The following FBXL17 variants were observed in gnomAD, a reference collection of about 807,000 sequenced individuals.
FBXL17 encodes F-box/LRR-repeat protein 17.
In FBXL17, 22 loss-of-function variants were observed where a neutral mutation model predicts 66.2. That is an observed-to-expected ratio of 0.33 (90% CI 0.24 to 0.47). The LOEUF is 0.47. Ranked by LOEUF, FBXL17 falls within the 20% of genes least tolerant of loss-of-function variation. FBXL17 has a pLI of 1.00. For missense variants in FBXL17, 878 were observed against 948.2 expected (o/e 0.93, Z 0.97); for synonymous variants, 474 against 400.5 (o/e 1.18, Z -2.19).
chr5:107,869,355 A>G (rs1481217562), intron 8 of FBXL17, among the ~76,000 whole-genome samples: 1 of 152,220 alleles, frequency 6.6e-6, no homozygotes, highest in African/African-American at 2.4e-5. Context: ...TGAACAATGC[A>G]TATTCAAACG....
chr5:107,901,271 C>G (rs1749561380), intron 7 of FBXL17, among the ~76,000 whole-genome samples: 1 of 152,170 alleles, frequency 6.6e-6, no homozygotes, highest in South Asian at 2.1e-4. Context: ...GAAATTGACA[C>G]TTTTGTGGGT....
chr5:108,019,317 T>A (rs1754498857), intron 7 of FBXL17, among the ~76,000 whole-genome samples: 1 of 152,202 alleles, frequency 6.6e-6, no homozygotes, highest in Non-Finnish European at 1.5e-5. Flanking sequence ...ACCTTCTCAA[T>A]TATCTTCTGG....
chr5:107,917,190 T>A (rs1054796522), intron 7 of FBXL17, among the ~76,000 whole-genome samples: 1 of 152,222 alleles, frequency 6.6e-6, no homozygotes, highest in African/African-American at 2.4e-5. Flanking sequence ...GTTAACTTGC[T>A]AGAAGAGAGC....
At chr5:107,913,524 C>T (rs928110350) in intron 7 of FBXL17, among the ~76,000 whole-genome samples, 2 of 151,952 alleles carry the variant, frequency 1.3e-5, no homozygotes, top group Non-Finnish European at 2.9e-5. Context: ...TTTTATGTTC[C>T]CTTGATCCTC....
At chr5:107,919,216 C>T (rs987661834) in intron 7 of FBXL17, among the ~76,000 whole-genome samples, 2 of 152,310 alleles carry the variant, frequency 1.3e-5, no homozygotes, top group Admixed American at 6.5e-5. Context: ...GATGACAACA[C>T]TGGCATCATC....
At chr5:107,988,416 A>C (rs1484668022) in intron 7 of FBXL17, among the ~76,000 whole-genome samples, 1 of 152,040 alleles carries the variant, frequency 6.6e-6, no homozygotes, top group Non-Finnish European at 1.5e-5. Flanking sequence ...TAACACTTTC[A>C]TAAGCAAAAT....
chr5:108,285,546 T>A (rs1757865019), intron 4 of FBXL17, among the ~76,000 whole-genome samples: 1 of 151,858 alleles, frequency 6.6e-6, no homozygotes, highest in African/African-American at 2.4e-5. Flanking sequence ...GTAAATGCCA[T>A]CAGAGTTCAT....
At position 108,171,280 on chromosome 5, in the gene FBXL17, T is replaced by C. The variant is rs570501776; in HGVS notation, c.1745+14837A>G. Among the ~76,000 whole-genome samples, 16 of 152,332 alleles carry C rather than the reference T, an allele frequency of 1.1e-4. No homozygotes were observed. The South Asian group carries it at 2.5e-3, about 24-fold the overall frequency. ...GGACTCCAAGGTAAGTTTAACTGCT[T>C]GTTGCAACCAACTATATTTTTAAAT... On this transcript the variant is annotated intron_variant, in intron 6 of 8. Transcript: ENST00000542267.
chr5:108,092,895 G>A (rs543873454), intron 6 of FBXL17, among the ~76,000 whole-genome samples: 54 of 152,244 alleles, frequency 3.5e-4, no homozygotes, highest in Middle Eastern at 3.4e-3. Flanking sequence ...TGAATGGAGA[G>A]AGTGACTATG....
At chr5:108,164,392 T>C (rs1189641231) in intron 6 of FBXL17, among the ~76,000 whole-genome samples, 1 of 152,200 alleles carries the variant, frequency 6.6e-6, no homozygotes, top group Non-Finnish European at 1.5e-5. Flanking sequence ...CATTTGGTAA[T>C]TAACGATGTC....
chr5:108,189,030 T>C (rs1162853687), intron 5 of FBXL17, among the ~76,000 whole-genome samples: 1 of 152,138 alleles, frequency 6.6e-6, no homozygotes, highest in East Asian at 1.9e-4. Flanking sequence ...GGCACAGAAA[T>C]TGAAATCACC....
chr5:108,235,531 C>T (rs997777249), intron 4 of FBXL17, among the ~76,000 whole-genome samples: 2 of 152,104 alleles, frequency 1.3e-5, no homozygotes, highest in African/African-American at 4.8e-5. Context: ...TTCTTGATGC[C>T]ACCAATCTAT....
At chr5:108,255,387 T>C (rs774512683) in intron 4 of FBXL17, among the ~76,000 whole-genome samples, 15 of 152,178 alleles carry the variant, frequency 9.9e-5, no homozygotes, top group African/African-American at 1.9e-4. Flanking sequence ...ACTGACATGA[T>C]TTTTTATGTT....
chr5:108,032,968 A>G (rs1746702237), intron 6 of FBXL17, among the ~76,000 whole-genome samples: 1 of 152,212 alleles, frequency 6.6e-6, no homozygotes, highest in South Asian at 2.1e-4. Flanking sequence ...AGACAAAAAA[A>G]GAAAACCTAT....
At chr5:108,028,179 G>T (rs1286317865) in intron 6 of FBXL17, among the ~76,000 whole-genome samples, 1 of 152,038 alleles carries the variant, frequency 6.6e-6, no homozygotes, top group Non-Finnish European at 1.5e-5. Flanking sequence ...GACCATTCTT[G>T]TCCTGAAAAA....
At chr5:108,272,270 G>A (rs536753411) in intron 4 of FBXL17, among the ~76,000 whole-genome samples, 10 of 151,650 alleles carry the variant, frequency 6.6e-5, no homozygotes, top group South Asian at 2.1e-4. Flanking sequence ...CAACCTGGGC[G>A]ACAGCAAGAC....
intron 4 of FBXL17, among the ~76,000 whole-genome samples, chr5:108,319,239 A>T (rs1759508755): frequency 6.6e-6 from 1 of 151,924 alleles, no homozygotes; most frequent in Non-Finnish European, 1.5e-5. Flanking sequence ...ACATGAGAGA[A>T]AAGCAAAATA....
At chr5:108,270,098 T>C (rs753999670) in intron 4 of FBXL17, among the ~76,000 whole-genome samples, 39 of 152,226 alleles carry the variant, frequency 2.6e-4, no homozygotes, top group Non-Finnish European at 5.3e-4. Context: ...AGATTAAAGA[T>C]ACTAAAGAAG....
chr5:107,917,354 G>C (rs1750165172), intron 7 of FBXL17, among the ~76,000 whole-genome samples: 1 of 152,138 alleles, frequency 6.6e-6, no homozygotes, highest in Non-Finnish European at 1.5e-5. Flanking sequence ...AATATCAAAA[G>C]CTTTACAAAG....
Sources: allele counts gnomAD v4.1 joint callset (sites outside exome capture counted in the v4.1 genomes callset), GRCh38; gene constraint gnomAD v4.1.1; transcripts MANE v1.5; gene names NCBI Gene and HGNC (gene_info 2026-07-23, HGNC 2026-07-21).